The following NCAM2 variants were observed in gnomAD, a reference collection of about 807,000 sequenced individuals.
The protein encoded by NCAM2 is N-CAM-2.
A neutral mutation model predicts 98.1 loss-of-function variants in NCAM2; 30 were observed. That is an observed-to-expected ratio of 0.31 (90% CI 0.23 to 0.41). The LOEUF is 0.41. NCAM2 is among the 10% of genes least tolerant of loss of function. NCAM2 has a pLI of 1.00. For missense variants in NCAM2, 867 were observed against 1,005.8 expected, an observed-to-expected ratio of 0.86 and a Z score of 1.87; for synonymous variants, 368 against 342.4, an observed-to-expected ratio of 1.07 and a Z score of -0.83.
intron 16 of NCAM2, among the ~76,000 whole-genome samples, chr21:21,524,981 CAA>C (rs1222512636): frequency 6.6e-6 from 1 of 151,920 alleles, no homozygotes; most frequent in Non-Finnish European, 1.5e-5. Context: ...GAAAACACAA[CAA>C]ATCAAAATTT....
chr21:21,347,933 C>A (rs1024326666), intron 8 of NCAM2, among the ~76,000 whole-genome samples: 1 of 151,912 alleles, frequency 6.6e-6, no homozygotes, highest in Non-Finnish European at 1.5e-5. Context: ...TAAAAACACT[C>A]AAAAAACTGG....
chr21:21,442,785 T>G (rs1254189648), intron 12 of NCAM2, among the ~76,000 whole-genome samples: 3 of 152,168 alleles, frequency 2.0e-5, no homozygotes, highest in Non-Finnish European at 4.4e-5. Context: ...GTGACTTTTC[T>G]AAATTTATGG....
intron 1 of NCAM2, chr21:21,147,305 A>T (rs933194174): frequency 2.0e-5 from 20 of 978,952 alleles, no homozygotes; most frequent in Non-Finnish European, 2.3e-5. Context: ...ATGCTAAAAA[A>T]AAGACAATTT....
intron 1 of NCAM2, among the ~76,000 whole-genome samples, chr21:21,003,530 C>T (rs1002914826): frequency 2.6e-5 from 4 of 152,092 alleles, no homozygotes; most frequent in South Asian, 2.1e-4. Flanking sequence ...CCTTGATGCT[C>T]GGCCATGAGG....
At chr21:21,396,523 CT>C (rs1280464065) in intron 9 of NCAM2, among the ~76,000 whole-genome samples, 1 of 152,104 alleles carries the variant, frequency 6.6e-6, no homozygotes, top group Admixed American at 6.5e-5. Context: ...TGGGCTCATT[CT>C]GCCCACTCAG....
intron 1 of NCAM2, among the ~76,000 whole-genome samples, chr21:21,158,609 C>A (rs1226347003): frequency 1.3e-4 from 2 of 14,896 alleles, no homozygotes; most frequent in African/African-American, 6.7e-4. Context: ...GTCCCCGCCC[C>A]CGCAAAAAAA....
At chr21:21,473,222 G>C (rs1984685126) in intron 14 of NCAM2, among the ~76,000 whole-genome samples, 1 of 150,680 alleles carries the variant, frequency 6.6e-6, no homozygotes, top group African/African-American at 2.4e-5. Context: ...ACAGTGCCAT[G>C]GTATTCAAGC....
intron 1 of NCAM2, among the ~76,000 whole-genome samples, chr21:21,221,616 C>T (rs1403717160): frequency 6.6e-6 from 1 of 152,126 alleles, no homozygotes; most frequent in African/African-American, 2.4e-5. Flanking sequence ...GAGCAATACC[C>T]TAGTATTATT....
intron 11 of NCAM2, among the ~76,000 whole-genome samples, chr21:21,423,269 C>G (rs1197688547): frequency 6.6e-6 from 1 of 152,146 alleles, no homozygotes; most frequent in Non-Finnish European, 1.5e-5. Flanking sequence ...AGAGCCTCAG[C>G]TCTTTAAGAG....
intron 14 of NCAM2, among the ~76,000 whole-genome samples, chr21:21,476,031 A>T (rs1414842953): frequency 6.6e-6 from 1 of 152,150 alleles, no homozygotes; most frequent in Non-Finnish European, 1.5e-5. Context: ...TTTAACTTTC[A>T]CAATTATATT....
intron 5 of NCAM2, among the ~76,000 whole-genome samples, chr21:21,310,608 T>C (rs1291095545): frequency 6.6e-6 from 1 of 152,200 alleles, no homozygotes; most frequent in African/African-American, 2.4e-5. Context: ...TTGAATCTGA[T>C]TGTAACTGTT....
At chr21:21,536,492 A>G (rs1989990690) in intron 17 of NCAM2, among the ~76,000 whole-genome samples, 1 of 151,732 alleles carries the variant, frequency 6.6e-6, no homozygotes, top group South Asian at 2.1e-4. Flanking sequence ...CCCAGGTTCA[A>G]GCAATTCTCC....
intron 16 of NCAM2, among the ~76,000 whole-genome samples, chr21:21,511,586 TA>T (rs1446086377): frequency 6.6e-6 from 1 of 151,934 alleles, no homozygotes; most frequent in Non-Finnish European, 1.5e-5. Flanking sequence ...TTGATTTTTT[TA>T]AAAATTTTTG....
chr21:21,167,663 A>T (rs1177152703), intron 1 of NCAM2, among the ~76,000 whole-genome samples: 2 of 152,212 alleles, frequency 1.3e-5, no homozygotes, highest in Non-Finnish European at 2.9e-5. Flanking sequence ...TCTTATGGAC[A>T]TTAAAATCAT....
chr21:21,107,159 T>C lies in NCAM2; in HGVS notation c.55+108541T>C, dbSNP rs184914962. Among the ~76,000 whole-genome samples, 359 of 152,276 alleles carry C rather than the reference T, an allele frequency of 2.4e-3. 1 individual carries two copies. Among genetic ancestry groups the C allele is most frequent in the African/African-American group, 8.3e-3 (344 of 41,570 alleles). ...AGCCATAATAATAGTGTGTTACTTA[T>C]GTAATTATTAATCCTGTTTACATTT... On this transcript the variant is annotated intron_variant, in intron 1 of 17. Coordinates refer to ENST00000400546, the MANE Select transcript of NCAM2 (RefSeq NM_004540.5).
intron 1 of NCAM2, among the ~76,000 whole-genome samples, chr21:21,073,639 T>A (rs1297746105): frequency 6.6e-6 from 1 of 152,160 alleles, no homozygotes; most frequent in African/African-American, 2.4e-5. Context: ...AGGAGCTGTG[T>A]CTCTGATTTT....
At chr21:21,000,480 A>G (rs1025042313) in intron 1 of NCAM2, among the ~76,000 whole-genome samples, 10 of 152,200 alleles carry the variant, frequency 6.6e-5, no homozygotes, top group African/African-American at 2.4e-4. Context: ...AATAGTACAC[A>G]GAGACATAAA....
At chr21:21,454,119 C>T (rs1981761246) in intron 12 of NCAM2, among the ~76,000 whole-genome samples, 2 of 152,008 alleles carry the variant, frequency 1.3e-5, no homozygotes. Context: ...TAGACACACA[C>T]AGAGAAATCA....
At chr21:21,324,209 AAG>A (rs1322554633) in intron 5 of NCAM2, among the ~76,000 whole-genome samples, 172 bp from the exon 6 acceptor site, 1 of 152,154 alleles carries the variant, frequency 6.6e-6, no homozygotes, top group Non-Finnish European at 1.5e-5. Flanking sequence ...TAAAATAAAA[AAG>A]AACGCAGATC....
Sources: gnomAD v4.1 joint callset for allele counts (sites outside exome capture counted in the v4.1 genomes callset) on GRCh38, gnomAD v4.1.1 for gene constraint, MANE v1.5 for transcripts, NCBI Gene and HGNC (gene_info 2026-07-23, HGNC 2026-07-21) for gene names.